CFAP299: variants seen among roughly 807,000 people sequenced by gnomAD.
CFAP299 encodes the protein cilia and flagella associated protein 299, also known as cilia- and flagella-associated protein 299.
A neutral mutation model predicts 27.0 loss-of-function variants in CFAP299; 21 were observed. That is an observed-to-expected ratio of 0.78 (90% CI 0.55 to 1.12). The LOEUF is 1.12. CFAP299 is among the 50% of genes most tolerant of loss of function. The pLI, the probability that CFAP299 is intolerant of heterozygous loss-of-function variation, is 0.00. For missense variants in CFAP299, 310 were observed against 276.6 expected, an observed-to-expected ratio of 1.12 and a Z score of -0.86; for synonymous variants, 104 against 98.1, an observed-to-expected ratio of 1.06 and a Z score of -0.36.
intron 2 of CFAP299, among the ~76,000 whole-genome samples, chr4:80,577,109 G>A (rs1264273569): frequency 2.0e-5 from 3 of 152,144 alleles, no homozygotes; most frequent in Non-Finnish European, 2.9e-5. Context: ...ATATTATGAT[G>A]TAGTGTTTAT....
Position 80,836,561 on chromosome 4 carries a change from A to G in CFAP299, c.334-33432A>G, listed in dbSNP as rs367840137. On this transcript the variant is annotated intron_variant, in intron 3 of 5. Coordinates refer to ENST00000358105, the MANE Select transcript of CFAP299 (RefSeq NM_152770.3). ...TTCAGTAATCACATTGCCCTCTCTA[A>G]TCACAACTGGGAAAGGTTGTTCCTC... Among the ~76,000 whole-genome samples, 9 of 152,270 alleles carry G rather than the reference A, an allele frequency of 5.9e-5. No homozygotes were observed. The South Asian group carries it at 1.9e-3, about 32-fold the overall frequency.
intron 2 of CFAP299, among the ~76,000 whole-genome samples, chr4:80,566,869 C>A (rs1291295409): frequency 6.6e-6 from 1 of 152,038 alleles, no homozygotes; most frequent in East Asian, 1.9e-4. Flanking sequence ...TATTTCCTCT[C>A]TAAGCACCTT....
rs1727653051 is a variant in CFAP299 at position 80,428,727 on chromosome 4, A to T, written c.242+65843A>T. ...TTTTTTGTTTGTATTTTTAGTAGAG[A>T]TGGGGGTTTTACCATGTTGGTCAGG... On this transcript the variant is annotated intron_variant, in intron 2 of 5. Transcript: ENST00000358105. Among the ~76,000 whole-genome samples, 4 of 145,332 alleles carry T rather than the reference A, an allele frequency of 2.8e-5. No homozygotes were observed. In the Admixed American group the frequency reaches 2.8e-4, roughly 10 times the overall value.
At chr4:80,703,345 T>TA (rs1167780180) in intron 3 of CFAP299, among the ~76,000 whole-genome samples, 1 of 151,718 alleles carries the variant, frequency 6.6e-6, no homozygotes, top group Non-Finnish European at 1.5e-5. Context: ...GGTCCCTAGA[T>TA]TATCGAAATG....
At chr4:80,709,826 G>C (rs955975714) in intron 3 of CFAP299, among the ~76,000 whole-genome samples, 1 of 152,258 alleles carries the variant, frequency 6.6e-6, no homozygotes, top group East Asian at 1.9e-4. Context: ...GAGGTGGTAA[G>C]GGCATTTCAG....
intron 3 of CFAP299, among the ~76,000 whole-genome samples, chr4:80,752,347 G>A (rs1262211948): frequency 1.3e-5 from 2 of 149,854 alleles, no homozygotes; most frequent in Non-Finnish European, 3.0e-5. Flanking sequence ...ATCAGCCATG[G>A]TGCATCCTCC....
At chr4:80,516,410 C>T (rs572129106) in intron 2 of CFAP299, among the ~76,000 whole-genome samples, 2 of 152,164 alleles carry the variant, frequency 1.3e-5, no homozygotes, top group South Asian at 2.1e-4. Flanking sequence ...GTGGGCTATA[C>T]AAGGATGGCT....
At chr4:80,531,747 GTTT>G (rs200507684) in intron 2 of CFAP299, among the ~76,000 whole-genome samples, 1 of 116,486 alleles carries the variant, frequency 8.6e-6, no homozygotes. Context: ...TAAGATAGAA[GTTT>G]TTTTTTTTTT....
chr4:80,679,319 G>C (rs1719679382), intron 3 of CFAP299, among the ~76,000 whole-genome samples: 1 of 151,912 alleles, frequency 6.6e-6, no homozygotes, highest in African/African-American at 2.4e-5. Context: ...GTCAATGAAG[G>C]ACATTTATGT....
At chr4:80,949,276 G>T (rs959750369) in intron 5 of CFAP299, among the ~76,000 whole-genome samples, 2 of 152,064 alleles carry the variant, frequency 1.3e-5, no homozygotes, top group African/African-American at 4.8e-5. Flanking sequence ...AGTGTTTTTA[G>T]GGAAATAAGT....
At chr4:80,835,788 C>T (rs1313505227) in intron 3 of CFAP299, among the ~76,000 whole-genome samples, 2 of 152,148 alleles carry the variant, frequency 1.3e-5, no homozygotes, top group African/African-American at 4.8e-5. Context: ...AGAAGGACTG[C>T]TTTAAGTCAC....
intron 4 of CFAP299, among the ~76,000 whole-genome samples, chr4:80,881,376 G>T (rs1733696759): frequency 6.6e-6 from 1 of 152,172 alleles, no homozygotes; most frequent in Non-Finnish European, 1.5e-5. Context: ...ATCATAACAA[G>T]CACTGAATAA....
intron 4 of CFAP299, among the ~76,000 whole-genome samples, chr4:80,941,193 T>A (rs951435818): frequency 3.9e-5 from 6 of 152,180 alleles, no homozygotes; most frequent in African/African-American, 1.2e-4. Flanking sequence ...CAAAGAAAAG[T>A]CTGTACATGT....
chr4:80,447,138 T>TG (rs1354720701), intron 2 of CFAP299, among the ~76,000 whole-genome samples: 18 of 112,012 alleles, frequency 1.6e-4, no homozygotes, highest in Admixed American at 2.8e-4. Flanking sequence ...TTGTTTTTTT[T>TG]TTTTTTTTTT....
At position 80,388,135 on chromosome 4, in the gene CFAP299, G is replaced by A. The variant is rs575998752; in HGVS notation, c.242+25251G>A. 1.8e-5 allele frequency: 12 copies of A among 675,546 alleles called. No homozygotes were observed. The African/African-American group carries it at 2.1e-4, about 12-fold the overall frequency. 41.8% of individuals were successfully genotyped at this position (675,546 alleles called of 1,614,324 possible). A position where few individuals can be genotyped will look rare whatever the true frequency, so the allele number is the denominator to read the frequency against. ...CACCAGGATTGGGATGCCCAGGGGG[G>A]CCCAGGCTGTGGGGTGGAGGTGGTG... is the stretch of plus-strand genomic sequence containing the variant. On this transcript the variant is annotated intron_variant, in intron 2 of 5. Coordinates refer to ENST00000358105, the MANE Select transcript of CFAP299 (RefSeq NM_152770.3).
chr4:80,931,528 A>C (rs1736615543), intron 4 of CFAP299, among the ~76,000 whole-genome samples: 2 of 152,076 alleles, frequency 1.3e-5, no homozygotes, highest in African/African-American at 4.8e-5. Context: ...GCCATGTCTC[A>C]CTCAGGTCTT....
chr4:80,486,015 A>C (rs781227543), intron 2 of CFAP299, among the ~76,000 whole-genome samples: 1 of 152,018 alleles, frequency 6.6e-6, no homozygotes, highest in Admixed American at 6.6e-5. Context: ...GGCTGGACTC[A>C]AACTCCTGGC....
At chr4:80,535,709 T>C (rs1289544024) in intron 2 of CFAP299, among the ~76,000 whole-genome samples, 1 of 152,152 alleles carries the variant, frequency 6.6e-6, no homozygotes, top group Non-Finnish European at 1.5e-5. Context: ...AGTCACCCAT[T>C]TGCTTTGTGC....
At chr4:80,469,711 A>G (rs1400302788) in intron 2 of CFAP299, among the ~76,000 whole-genome samples, 1 of 152,080 alleles carries the variant, frequency 6.6e-6, no homozygotes, top group Admixed American at 6.6e-5. Flanking sequence ...ATCCTTGTTC[A>G]TTTTTATTAA....
Sources: gnomAD v4.1 joint callset for allele counts (sites outside exome capture counted in the v4.1 genomes callset) on GRCh38, gnomAD v4.1.1 for gene constraint, MANE v1.5 for transcripts, NCBI Gene and HGNC (gene_info 2026-07-23, HGNC 2026-07-21) for gene names.